TTLL13: variants seen among roughly 807,000 people sequenced by gnomAD.
TTLL13 encodes the protein tubulin polyglutamylase TTLL13.
the TTLL13 span, chr15:90,255,741 T>C: frequency 6.2e-7 from 1 of 1,614,188 alleles, no homozygotes; most frequent in Non-Finnish European, 8.5e-7. Flanking sequence ...TCATACTAAC[T>C]GGCTGTGTTT....
At chr15:90,256,068 G>C in the TTLL13 span, 8 of 1,576,598 alleles carry the variant, frequency 5.1e-6, no homozygotes, top group Non-Finnish European at 6.9e-6. Context: ...CTAGATAGCA[G>C]GAAGAGCTCC....
chr15:90,254,535 G>A, the TTLL13 span, among the ~76,000 whole-genome samples: 1 of 145,260 alleles, frequency 6.9e-6, no homozygotes, highest in Non-Finnish European at 1.5e-5. Context: ...AGGGGCATTT[G>A]TAAAATGAGG....
chr15:90,252,056 T>TTTTTTTTTTTTTTA, the TTLL13 span, among the ~76,000 whole-genome samples: 3 of 151,182 alleles, frequency 2.0e-5, no homozygotes, highest in African/African-American at 7.3e-5. Flanking sequence ...TTTTTTTTTT[T>TTTTTTTTTTTTTTA]GAGACCGAGT....
the TTLL13 span, chr15:90,257,009 T>C: frequency 3.3e-6 from 3 of 896,770 alleles, no homozygotes; most frequent in African/African-American, 5.1e-5. Context: ...TAAGTGGGAG[T>C]AATAACAGTA....
the TTLL13 span, among the ~76,000 whole-genome samples, chr15:90,249,990 C>G: frequency 7.3e-6 from 1 of 137,000 alleles, no homozygotes; most frequent in Admixed American, 7.8e-5. Context: ...CAGACTCTTG[C>G]TCTGTCGCCC....
the TTLL13 span, among the ~76,000 whole-genome samples, chr15:90,252,043 C>G: frequency 7.5e-6 from 1 of 133,474 alleles, no homozygotes. Flanking sequence ...TCACCTAATT[C>G]TTTTTTTTTT....
the TTLL13 span, chr15:90,263,290 G>A: frequency 1.4e-6 from 1 of 708,504 alleles, no homozygotes; most frequent in Non-Finnish European, 2.3e-6. Context: ...CTGGACCTTG[G>A]GAGAGGGTCT....
the TTLL13 span, chr15:90,258,180 C>A: frequency 6.2e-7 from 1 of 1,614,248 alleles, no homozygotes; most frequent in East Asian, 2.2e-5. Flanking sequence ...CTGTTTTCCC[C>A]AGTATCTGAA....
At chr15:90,250,796 A>C in the TTLL13 span, 3 of 1,614,082 alleles carry the variant, frequency 1.9e-6, no homozygotes, top group Non-Finnish European at 2.5e-6. Flanking sequence ...TCCCTCACCC[A>C]TTATGGCCAC....
chr15:90,255,806 G>T, the TTLL13 span: 2 of 1,614,144 alleles, frequency 1.2e-6, no homozygotes, highest in African/African-American at 2.7e-5. Flanking sequence ...AGATCTGCTG[G>T]CTCGGAACCT....
At chr15:90,264,088 T>C in the TTLL13 span, 4 of 1,390,120 alleles carry the variant, frequency 2.9e-6, no homozygotes, top group Admixed American at 6.0e-5. Flanking sequence ...TTTGGTCATT[T>C]TGACATATGT....
the TTLL13 span, chr15:90,264,783 C>G: frequency 1.3e-6 from 2 of 1,536,124 alleles, no homozygotes; most frequent in Non-Finnish European, 8.7e-7. Flanking sequence ...GTGCCACCCA[C>G]TTTAACCCCA....
the TTLL13 span, chr15:90,255,876 T>G: frequency 6.2e-7 from 1 of 1,614,102 alleles, no homozygotes; most frequent in Non-Finnish European, 8.5e-7. Flanking sequence ...ACCTGGTGCC[T>G]CCCCGCAGAG....
the TTLL13 span, chr15:90,250,989 G>GC: frequency 6.9e-7 from 1 of 1,445,958 alleles, no homozygotes; most frequent in Non-Finnish European, 9.3e-7. Context: ...CTTCCCTTTA[G>GC]CCTACAAAAG....
At chr15:90,254,863 A>G in the TTLL13 span, among the ~76,000 whole-genome samples, 15 of 152,184 alleles carry the variant, frequency 9.9e-5, no homozygotes, top group African/African-American at 3.6e-4. Context: ...GGGGAAAAAA[A>G]AAGGATAAGG....
At chr15:90,265,055 C>T in the TTLL13 span, 3 of 1,421,572 alleles carry the variant, frequency 2.1e-6, no homozygotes, top group East Asian at 7.5e-5. Context: ...ATGACTGCCA[C>T]CAAGTTCCAC....
the TTLL13 span, chr15:90,258,392 G>A: frequency 5.3e-5 from 45 of 849,618 alleles, no homozygotes; most frequent in South Asian, 6.5e-4. Flanking sequence ...GCCCTGGGGT[G>A]GGCAGGAATG....
chr15:90,252,849 A>C, the TTLL13 span, among the ~76,000 whole-genome samples: 13 of 152,216 alleles, frequency 8.5e-5, no homozygotes, highest in East Asian at 2.5e-3. Context: ...CTAAAAATAC[A>C]AAAATTACCC....
chr15:90,256,618 CTTCCTTCCTTCCTTCCTTCCTTCT>C, the TTLL13 span, among the ~76,000 whole-genome samples: 22 of 48,804 alleles, frequency 4.5e-4, no homozygotes, highest in Admixed American at 2.6e-3. Flanking sequence ...TCCTTCCTTC[CTTCCTTCCTTCCTTCCTTCCTTCT>C]TTCTTTCTCC....
Sources: gnomAD v4.1 joint callset for allele counts (sites outside exome capture counted in the v4.1 genomes callset) on GRCh38, gnomAD v4.1.1 for gene constraint, MANE v1.5 for transcripts, NCBI Gene and HGNC (gene_info 2026-07-23, HGNC 2026-07-21) for gene names.